SMYD3: variants seen among roughly 807,000 people sequenced by gnomAD.
The protein encoded by SMYD3 is SET and MYND domain containing 3.
SMYD3 carries 36 observed loss-of-function variants against 57.7 expected under a neutral mutation model. The observed-to-expected ratio is 0.62, with a 90% CI of 0.48 to 0.82. The LOEUF (loss-of-function observed/expected upper bound fraction) is 0.82, where lower values mean the gene tolerates loss of function less well. SMYD3 is among the 40% of genes least tolerant of loss of function. SMYD3 has a pLI of 0.00. For synonymous variants in SMYD3, 211 were observed against 195.0 expected (o/e 1.08, Z -0.68); for missense variants, 515 against 538.8 (o/e 0.96, Z 0.44).
At chr1:246,459,520 G>T (rs962472632) in intron 1 of SMYD3, among the ~76,000 whole-genome samples, 3 of 152,050 alleles carry the variant, frequency 2.0e-5, no homozygotes, top group Admixed American at 6.5e-5. Context: ...TGCGTGGCAC[G>T]TCCCCCTTCA....
intron 5 of SMYD3, among the ~76,000 whole-genome samples, chr1:245,990,179 C>T (rs955196182): frequency 6.6e-6 from 1 of 152,120 alleles, no homozygotes; most frequent in African/African-American, 2.4e-5. Context: ...AAGTGATCCT[C>T]CCGCCTCATC....
rs554309337 is a variant in SMYD3, at chr1:246,276,938, C to T, written c.531+50263G>A. Reference sequence around the variant, plus strand: ...TTTGAATACTAACTCCGTTTTTTCACTAGCCGTATTAACACTGGCAGGTTA... The same window carrying T: ...TTTGAATACTAACTCCGTTTTTTCATTAGCCGTATTAACACTGGCAGGTTA... On this transcript the variant is annotated intron_variant, in intron 5 of 11. Transcript: ENST00000490107. Among the ~76,000 whole-genome samples, 42 of 151,370 alleles carry T rather than the reference C, an allele frequency of 2.8e-4. 3 individuals are homozygous for T. The highest frequency in any genetic ancestry group is 9.6e-4 in the African/African-American group (39 of 40,746).
At chr1:246,135,817 C>T (rs2061657751) in intron 5 of SMYD3, among the ~76,000 whole-genome samples, 1 of 152,098 alleles carries the variant, frequency 6.6e-6, no homozygotes, top group African/African-American at 2.4e-5. Flanking sequence ...GAAGGAACTG[C>T]TAAGAGTCAT....
intron 2 of SMYD3, among the ~76,000 whole-genome samples, chr1:246,351,139 T>G (rs1054563319): frequency 6.6e-6 from 1 of 152,176 alleles, no homozygotes; most frequent in Non-Finnish European, 1.5e-5. Flanking sequence ...AAGCATAAAA[T>G]GTAAACCCAA....
chr1:246,337,840 A>C (rs919420320), intron 2 of SMYD3, among the ~76,000 whole-genome samples: 1 of 152,260 alleles, frequency 6.6e-6, no homozygotes, highest in Non-Finnish European at 1.5e-5. Context: ...CCAGGGTGAG[A>C]TAAGTACAAA....
intron 11 of SMYD3, among the ~76,000 whole-genome samples, chr1:245,762,588 C>T (rs2045896394): frequency 1.3e-5 from 2 of 152,108 alleles, no homozygotes; most frequent in Admixed American, 6.6e-5. Flanking sequence ...GGTAAACATG[C>T]CAGACATGAT....
At chr1:246,444,720 G>A (rs2067527633) in intron 1 of SMYD3, among the ~76,000 whole-genome samples, 1 of 152,142 alleles carries the variant, frequency 6.6e-6, no homozygotes, top group African/African-American at 2.4e-5. Flanking sequence ...ATCCCGAAGT[G>A]TATATATACA....
At chr1:245,834,939 A>G (rs533914726) in intron 10 of SMYD3, among the ~76,000 whole-genome samples, 1 of 152,304 alleles carries the variant, frequency 6.6e-6, no homozygotes, top group South Asian at 2.1e-4. Context: ...TTCCCACGTT[A>G]TAGGAACATG....
At chr1:246,177,685 G>C (rs1174064075) in intron 5 of SMYD3, among the ~76,000 whole-genome samples, 1 of 152,184 alleles carries the variant, frequency 6.6e-6, no homozygotes, top group Admixed American at 6.5e-5. Flanking sequence ...GTCCAAAAAT[G>C]TCTTGTGACC....
intron 5 of SMYD3, among the ~76,000 whole-genome samples, chr1:246,069,750 G>A (rs1572974358): frequency 6.6e-6 from 1 of 152,296 alleles, no homozygotes; most frequent in East Asian, 1.9e-4. Flanking sequence ...AGAGGCAGCA[G>A]CAGGCTCACT....
At chr1:245,930,807 T>G (rs555144369) in intron 5 of SMYD3, 1 of 152,254 alleles carries the variant, frequency 6.6e-6, no homozygotes, top group East Asian at 1.9e-4. Context: ...GATAGAAAAC[T>G]GTCACATGTA....
At chr1:246,441,992 A>G (rs2103020055) in intron 1 of SMYD3, among the ~76,000 whole-genome samples, 2 of 152,362 alleles carry the variant, frequency 1.3e-5, no homozygotes, top group South Asian at 4.1e-4. Flanking sequence ...TGTGCAAGGC[A>G]CTATGGAAGG....
chr1:246,378,674 T>C (rs1013750686), intron 1 of SMYD3, among the ~76,000 whole-genome samples: 9 of 127,782 alleles, frequency 7.0e-5, no homozygotes, highest in African/African-American at 9.6e-5. Flanking sequence ...CATATATATA[T>C]ACACATATAT....
At chr1:245,839,860 A>G (rs746439726) in intron 10 of SMYD3, among the ~76,000 whole-genome samples, 1 of 152,232 alleles carries the variant, frequency 6.6e-6, no homozygotes, top group Non-Finnish European at 1.5e-5. Context: ...TAAATGACCA[A>G]TTATCCTTTG....
intron 1 of SMYD3, 120 bp downstream of exon 1, chr1:246,506,934 A>C: frequency 1.0e-6 from 1 of 960,744 alleles, no homozygotes; most frequent in Non-Finnish European, 1.4e-6. Context: ...CAGCACCGCC[A>C]AGCTGCCTGT....
intron 5 of SMYD3, among the ~76,000 whole-genome samples, chr1:246,249,448 T>C (rs1247435587): frequency 6.6e-6 from 1 of 151,986 alleles, no homozygotes; most frequent in East Asian, 1.9e-4. Context: ...ACAACACAAA[T>C]ATGGAAACTA....
At chr1:246,096,753 T>C (rs1261797257) in intron 5 of SMYD3, among the ~76,000 whole-genome samples, 1 of 147,192 alleles carries the variant, frequency 6.8e-6, no homozygotes, top group African/African-American at 2.7e-5. Context: ...ATGGTTATGA[T>C]TGTAACAAAT....
At chr1:246,154,176 A>G (rs2061986292) in intron 5 of SMYD3, among the ~76,000 whole-genome samples, 1 of 152,192 alleles carries the variant, frequency 6.6e-6, no homozygotes, top group African/African-American at 2.4e-5. Flanking sequence ...GAACGAATCA[A>G]TGGAAATAAT....
At chr1:245,885,564 C>A (rs906842753) in intron 8 of SMYD3, among the ~76,000 whole-genome samples, 5 of 152,170 alleles carry the variant, frequency 3.3e-5, no homozygotes, top group African/African-American at 1.2e-4. Context: ...CTTTTTAACT[C>A]CTATATCAAC....
Sources: gnomAD v4.1 joint callset for allele counts (sites outside exome capture counted in the v4.1 genomes callset) on GRCh38, gnomAD v4.1.1 for gene constraint, MANE v1.5 for transcripts, NCBI Gene and HGNC (gene_info 2026-07-23, HGNC 2026-07-21) for gene names.